TMPRSS4: variants seen among roughly 807,000 people sequenced by gnomAD.
TMPRSS4 encodes transmembrane protease serine 4.
In TMPRSS4, 45 loss-of-function variants were observed where a neutral mutation model predicts 56.4. The observed-to-expected ratio is 0.80, with a 90% CI of 0.63 to 1.02. TMPRSS4 has a LOEUF of 1.02. Among genes scored for constraint, TMPRSS4 ranks in the 50% least tolerant of loss-of-function variants. The probability of loss-of-function intolerance (pLI) is 0.00; values close to 1 mark genes in which losing one functional copy is unlikely to be tolerated. For missense variants in TMPRSS4, 546 were observed against 556.7 expected, an observed-to-expected ratio of 0.98 and a Z score of 0.19; for synonymous variants, 205 against 211.0, an observed-to-expected ratio of 0.97 and a Z score of 0.25.
Position 118,118,839 on chromosome 11 carries a change from G to A in TMPRSS4, c.*926G>A, listed in dbSNP as rs3741311. ...CTGGTCCTGTGTCCTAACTTTTTCC[G>A]CCTGGAGAGCCCTCAGTGTGGCTTC... On this transcript the variant is annotated 3_prime_UTR_variant, in exon 13 of 13. Transcript: ENST00000437212. 0.6 allele frequency: 594,728 copies of A among 985,100 alleles called. 179,742 individuals carry two copies. The highest frequency in any genetic ancestry group is 0.73 in the South Asian group (15,478 of 21,276). 61.0% of individuals were successfully genotyped at this position (985,100 alleles called of 1,614,324 possible).
chr11:118,117,584 C>A (rs1460513310), intron 12 of TMPRSS4, 130 bp downstream of exon 12: 3 of 1,489,196 alleles, frequency 2.0e-6, no homozygotes, highest in African/African-American at 2.8e-5. Context: ...TCCCTCCAAG[C>A]AAGGGACAGC....
Position 118,107,761 on chromosome 11 carries a change from T to C in TMPRSS4, c.441-13T>C. 6.2e-7 allele frequency: 1 copy of C among 1,612,804 alleles called. No individual in the cohort carries two copies. The highest frequency in any genetic ancestry group is 8.5e-7 in the Non-Finnish European group (1 of 1,178,950). ...CCCAGCTCACAACTCTCTCTCCCTC[T>C]TGATGTGAGCAGCAAACCCACTTTC... On this transcript the variant is annotated splice_polypyrimidine_tract_variant and intron_variant, in intron 5 of 12. Coordinates refer to ENST00000437212, the MANE Select transcript of TMPRSS4 (RefSeq NM_019894.4).
chr11:118,085,309 C>T (rs1195617562), intron 1 of TMPRSS4, among the ~76,000 whole-genome samples: 4 of 151,616 alleles, frequency 2.6e-5, no homozygotes, highest in Non-Finnish European at 2.9e-5. Context: ...CTGCAACCTC[C>T]GCCTCCCAGG....
intron 12 of TMPRSS4, 114 bp from the exon 13 acceptor site, chr11:118,117,788 G>A (rs1947640024): frequency 1.4e-5 from 23 of 1,601,336 alleles, no homozygotes; most frequent in Non-Finnish European, 1.8e-5. Context: ...GCCCTCTGCA[G>A]GGTAGGGAGA....
intron 1 of TMPRSS4, among the ~76,000 whole-genome samples, chr11:118,081,629 G>A (rs1041053582): frequency 1.2e-4 from 19 of 152,226 alleles, no homozygotes; most frequent in Non-Finnish European, 5.9e-5. Context: ...GGTGGCAGTC[G>A]CGTCTCCTGT....
In TMPRSS4 at chr11:118,117,934, G is replaced by C. The variant is rs181211603; in HGVS notation, c.*21G>C. The C allele has an allele frequency of 5.6e-6, 9 of 1,612,768 alleles. No individual in the cohort carries two copies. The East Asian group carries it at 2.0e-4, about 36-fold the overall frequency. ...TGTAATGCTGCTGCCCCTTTGCAGT[G>C]CTGGGAGCCGCTTCCTTCCTGCCCT... On this transcript the variant is annotated 3_prime_UTR_variant, in exon 13 of 13. Coordinates refer to ENST00000437212, the MANE Select transcript of TMPRSS4 (RefSeq NM_019894.4).
chr11:118,119,229 G>T lies in TMPRSS4; in HGVS notation c.*1316G>T, dbSNP rs10790237. 575,896 of 984,912 alleles carry T rather than the reference G, an allele frequency of 0.58. 169,584 individuals carry two copies. The highest frequency in any genetic ancestry group is 0.69 in the South Asian group (14,625 of 21,274). The allele number at this position is 984,912 out of a possible 1,614,324, so 61.0% of individuals were successfully genotyped here. ...CTGGGAGCAATACACTAAAATCTTG[G>T]GTCGAGACCTATATGAAGGCTGGCA... On this transcript the variant is annotated 3_prime_UTR_variant, in exon 13 of 13. Coordinates refer to ENST00000437212, the MANE Select transcript of TMPRSS4 (RefSeq NM_019894.4).
At chr11:118,080,479 C>G (rs904402251) in intron 1 of TMPRSS4, among the ~76,000 whole-genome samples, 2 of 152,162 alleles carry the variant, frequency 1.3e-5, no homozygotes, top group African/African-American at 4.8e-5. Context: ...CCAGCCTGAC[C>G]CTGGGGGTCA....
chr11:118,114,826 C>G lies in TMPRSS4; in HGVS notation c.911-3C>G. The G allele has an allele frequency of 6.2e-7, 1 of 1,601,810 alleles. No individual in the cohort carries two copies. Among genetic ancestry groups the G allele is most frequent in the South Asian group, 1.1e-5 (1 of 88,520 alleles). ...TCTCCTTCTTCCTCTGTGCTCCTGG[C>G]AGGCACAGTCAGGCCCATCTGTCTG... On this transcript the variant is annotated splice_polypyrimidine_tract_variant and splice_region_variant and intron_variant, in intron 9 of 12. Coordinates refer to ENST00000437212, the MANE Select transcript of TMPRSS4 (RefSeq NM_019894.4).
intron 1 of TMPRSS4, among the ~76,000 whole-genome samples, chr11:118,090,226 C>T (rs114479962): frequency 0.016 from 2,439 of 152,196 alleles, 66 homozygotes; most frequent in African/African-American, 0.056. Context: ...CAGTCAGGTT[C>T]GTAAAGACTG....
At chr11:118,088,011 TG>T (rs1555081918) in intron 1 of TMPRSS4, among the ~76,000 whole-genome samples, 1 of 147,556 alleles carries the variant, frequency 6.8e-6, no homozygotes, top group African/African-American at 2.6e-5. Flanking sequence ...GAGGAAGAGC[TG>T]GAGAGATGCT....
chr11:118,123,764 T>C (rs1947840176), downstream of TMPRSS4, among the ~76,000 whole-genome samples: 1 of 152,070 alleles, frequency 6.6e-6, no homozygotes, highest in Non-Finnish European at 1.5e-5. Flanking sequence ...GACCTCGTGA[T>C]CCGCCCGCCT....
intron 2 of TMPRSS4, among the ~76,000 whole-genome samples, chr11:118,097,971 T>C (rs1043657282): frequency 6.6e-6 from 1 of 152,186 alleles, no homozygotes; most frequent in Non-Finnish European, 1.5e-5. Context: ...GGTTTCACCA[T>C]GTTGGCCAGG....
intron 5 of TMPRSS4, chr11:118,107,105 A>G (rs1489574651): frequency 6.6e-6 from 1 of 152,224 alleles, no homozygotes; most frequent in Non-Finnish European, 1.5e-5. Context: ...TAAAGGAACA[A>G]TCAGAGAGAT....
Position 118,117,491 on chromosome 11 carries a change from C to T in TMPRSS4, c.1302+37C>T, listed in dbSNP as rs1223707397. ...TTGCCCTACCCACTGTGCCTTCCCT[C>T]CAGTCCTCTACCTGGGGGGTGCCAA... On this transcript the variant is annotated intron_variant, in intron 12 of 12. Transcript: ENST00000437212. 3 of 1,588,564 alleles carry T rather than the reference C, an allele frequency of 1.9e-6. No homozygotes were observed. The African/African-American group carries it at 4.0e-5, about 21-fold the overall frequency.
Position 118,077,107 on chromosome 11 carries a change from G to T in TMPRSS4, c.-196G>T, listed in dbSNP as rs1360131114. On this transcript the variant is annotated 5_prime_UTR_variant, in exon 1 of 13. Transcript: ENST00000437212. ...CTGGAATACACAGAGAGAGGCAGCA[G>T]CTTGCTCAGCGGACAAGGATGCTGG... The T allele has an allele frequency of 2.6e-5, 15 of 566,136 alleles. No homozygotes were observed. In the South Asian group the frequency reaches 3.3e-4, roughly 12 times the overall value. 35.1% of individuals were successfully genotyped at this position (566,136 alleles called of 1,614,324 possible).
chr11:118,093,481 C>A (rs1183596100), intron 1 of TMPRSS4, among the ~76,000 whole-genome samples: 1 of 152,188 alleles, frequency 6.6e-6, no homozygotes, highest in Non-Finnish European at 1.5e-5. Context: ...CTTTGCCTGG[C>A]AGAAAGGGCC....
intron 2 of TMPRSS4, among the ~76,000 whole-genome samples, chr11:118,096,938 GAAA>G (rs1565422991): frequency 4.5e-5 from 3 of 66,502 alleles, no homozygotes; most frequent in African/African-American, 4.5e-5. Flanking sequence ...GAAAGAAAGA[GAAA>G]GAAAGAAAGG....
rs1029125313 is a variant in TMPRSS4, at chr11:118,120,524, C to A, written c.*2611C>A. ...TATCTTAATAATCAAGCAAAAATAACAGGCAGATTTGAAAAAGAACTGAAT... is the reference window on the plus strand; with the variant it reads ...TATCTTAATAATCAAGCAAAAATAAAAGGCAGATTTGAAAAAGAACTGAAT... On this transcript the variant is annotated 3_prime_UTR_variant, in exon 13 of 13. Transcript: ENST00000437212. 4.6e-5 allele frequency: 7 copies of A among 152,004 alleles called. No homozygotes were observed. Among genetic ancestry groups the A allele is most frequent in the African/African-American group, 1.7e-4 (7 of 41,364 alleles). 9.4% of individuals were successfully genotyped at this position (152,004 alleles called of 1,614,324 possible).
Sources: allele counts gnomAD v4.1 joint callset (sites outside exome capture counted in the v4.1 genomes callset), GRCh38; gene constraint gnomAD v4.1.1; transcripts MANE v1.5; gene names NCBI Gene and HGNC (gene_info 2026-07-23, HGNC 2026-07-21).